Variants in ABI3BP observed in about 807,000 individuals in gnomAD.
ABI3BP encodes target of Nesh-SH3.
ABI3BP carries 216 observed loss-of-function variants against 268.6 expected under a neutral mutation model. The observed-to-expected ratio is 0.80, with a 90% confidence interval of 0.72 to 0.90. The LOEUF is 0.90. Ranked by LOEUF, ABI3BP falls within the 40% of genes least tolerant of loss-of-function variation. The pLI is 0.00. For missense variants in ABI3BP, 2,090 were observed against 2,182.4 expected (o/e 0.96, Z 0.84); for synonymous variants, 730 against 730.0 (o/e 1.00, Z 0.00).
intron 65 of ABI3BP, 82 bp from the exon 66 acceptor site, chr3:100,753,030 C>T: frequency 7.5e-7 from 1 of 1,334,456 alleles, no homozygotes; most frequent in Non-Finnish European, 1.0e-6. Context: ...AATTTGTCAA[C>T]TTGCTGATAC....
chr3:100,782,211 G>T (rs757173765), intron 57 of ABI3BP, among the ~76,000 whole-genome samples: 3 of 152,236 alleles, frequency 2.0e-5, no homozygotes, highest in Non-Finnish European at 2.9e-5. Flanking sequence ...GCTGCCAGCA[G>T]TCACTGACCA....
intron 1 of ABI3BP, among the ~76,000 whole-genome samples, chr3:100,947,923 G>A (rs2073248313): frequency 1.3e-5 from 2 of 152,186 alleles, no homozygotes; most frequent in South Asian, 2.1e-4. Context: ...GTGATCTGAA[G>A]AGGTAACACA....
chr3:100,878,236 G>A (rs931644135), intron 6 of ABI3BP, among the ~76,000 whole-genome samples: 10 of 151,934 alleles, frequency 6.6e-5, no homozygotes, highest in African/African-American at 2.4e-4. Flanking sequence ...TAAGTACCAA[G>A]GATACAAATT....
At chr3:100,861,696 GA>G (rs5851228) in intron 14 of ABI3BP, among the ~76,000 whole-genome samples, 34,020 of 142,476 alleles carry the variant, frequency 0.24, 4,666 homozygotes, top group Non-Finnish European at 0.32. Context: ...TTCTCCACAG[GA>G]AAAAAAAAAA....
chr3:100,986,249 C>T (rs2091720641), intron 1 of ABI3BP, among the ~76,000 whole-genome samples: 1 of 152,218 alleles, frequency 6.6e-6, no homozygotes, highest in Non-Finnish European at 1.5e-5. Flanking sequence ...ATTCTGCTAA[C>T]AACCATGTGA....
intron 1 of ABI3BP, among the ~76,000 whole-genome samples, chr3:100,947,434 G>A (rs2073000822): frequency 6.6e-6 from 1 of 152,062 alleles, no homozygotes; most frequent in Non-Finnish European, 1.5e-5. Flanking sequence ...ACTTTAAATT[G>A]CAGAAATAAG....
At chr3:100,758,137 C>G (rs1279712617) in intron 63 of ABI3BP, among the ~76,000 whole-genome samples, 1 of 151,982 alleles carries the variant, frequency 6.6e-6, no homozygotes, top group Admixed American at 6.6e-5. Context: ...CCCCGCGCAT[C>G]CCCATCAGGA....
At chr3:100,766,082 AT>A in intron 62 of ABI3BP, 133 bp from the exon 63 acceptor site, 1 of 631,216 alleles carries the variant, frequency 1.6e-6, no homozygotes, top group Non-Finnish European at 2.8e-6. Context: ...AGACATATTG[AT>A]CTTACACATT....
At chr3:100,870,638 G>C (rs1116932) in intron 9 of ABI3BP, among the ~76,000 whole-genome samples, 52,538 of 152,042 alleles carry the variant, frequency 0.35, 9,320 homozygotes, top group Admixed American at 0.41. Context: ...ATGGTATGGA[G>C]TTTCCTCAAA....
chr3:100,850,619 TGATGGAA>T, intron 16 of ABI3BP, 34 bp downstream of exon 16: 1 of 1,470,882 alleles, frequency 6.8e-7, no homozygotes, highest in African/African-American at 1.4e-5. Flanking sequence ...TTTTTTTTTT[TGATGGAA>T]AATAAAGTAT....
At chr3:100,922,657 C>T (rs2060640057) in intron 2 of ABI3BP, among the ~76,000 whole-genome samples, 1 of 152,024 alleles carries the variant, frequency 6.6e-6, no homozygotes, top group South Asian at 2.1e-4. Flanking sequence ...AAGAGAAATG[C>T]AGTAGCCTCT....
chr3:100,790,856 A>C lies in ABI3BP; in HGVS notation c.4025-1340T>G, dbSNP rs570973964. Among the ~76,000 whole-genome samples, 8 of 152,108 alleles carry C rather than the reference A, an allele frequency of 5.3e-5. 1 individual carries two copies. In the South Asian group the frequency reaches 1.7e-3, roughly 32 times the overall value. The stretch of plus-strand genomic sequence containing the variant: ...CTTGTCTCATTCTAGAATATGTATA[A>C]ATTTTAAGACTTTGGACAGGAAAGA... On this transcript the variant is annotated intron_variant, in intron 55 of 67. Coordinates refer to ENST00000471714, the MANE Select transcript of ABI3BP (RefSeq NM_001375547.2).
intron 40 of ABI3BP, among the ~76,000 whole-genome samples, chr3:100,819,872 C>T (rs562908795): frequency 5.5e-5 from 8 of 145,476 alleles, no homozygotes; most frequent in Non-Finnish European, 1.0e-4. Flanking sequence ...TTGCTTGAAC[C>T]GGGAGGTGGA....
rs533308880 is a variant in ABI3BP at position 100,895,160 on chromosome 3, TTCA to T, written c.461+3599_461+3601del. ...AATTTGGGTTAAAAACAGTTGACTCTTCATCAGGGCCAATTTGAAAGCTTTCTT... is the reference window on the plus strand; with the variant it reads ...AATTTGGGTTAAAAACAGTTGACTCTTCAGGGCCAATTTGAAAGCTTTCTT... On this transcript the variant is annotated intron_variant, in intron 4 of 67. Coordinates refer to ENST00000471714, the MANE Select transcript of ABI3BP (RefSeq NM_001375547.2). Among the ~76,000 whole-genome samples the T allele has an allele frequency of 1.2e-4, 18 of 152,106 alleles. No individual in the cohort carries two copies. The South Asian group carries it at 3.7e-3, about 32-fold the overall frequency.
chr3:100,813,758 G>GT (rs1473896501), intron 44 of ABI3BP, 23 bp from the exon 45 acceptor site: 3 of 1,520,920 alleles, frequency 2.0e-6, no homozygotes, highest in Non-Finnish European at 1.8e-6. Context: ...GGTCTCAATT[G>GT]TAAGAGTAAT....
chr3:100,825,681 T>C, intron 35 of ABI3BP, 104 bp downstream of exon 35: 3 of 887,494 alleles, frequency 3.4e-6, no homozygotes, highest in Non-Finnish European at 5.4e-6. Context: ...GTTTGCTATT[T>C]TGTAGAGGAA....
intron 4 of ABI3BP, among the ~76,000 whole-genome samples, chr3:100,897,535 T>G (rs1471843709): frequency 6.6e-6 from 1 of 152,186 alleles, no homozygotes. Flanking sequence ...TGAATCTCAA[T>G]GCTCAGCGAA....
chr3:100,891,896 T>G (rs2044866695), intron 4 of ABI3BP, among the ~76,000 whole-genome samples: 1 of 152,212 alleles, frequency 6.6e-6, no homozygotes, highest in African/African-American at 2.4e-5. Context: ...TGTGTATGAC[T>G]GAAGAAGGCA....
intron 6 of ABI3BP, among the ~76,000 whole-genome samples, chr3:100,884,372 TG>T (rs1402313163): frequency 6.6e-6 from 1 of 152,130 alleles, no homozygotes. Context: ...TCCTAGAAAT[TG>T]TAACAACCTC....
Sources: gnomAD v4.1 joint callset for allele counts (sites outside exome capture counted in the v4.1 genomes callset) on GRCh38, gnomAD v4.1.1 for gene constraint, MANE v1.5 for transcripts, NCBI Gene and HGNC (gene_info 2026-07-23, HGNC 2026-07-21) for gene names.